Variants in SCAND3 observed in about 807,000 individuals in gnomAD.
The protein encoded by SCAND3 is SCAN domain-containing protein 3.
chr6:28,611,948 C>A, the SCAND3 span, among the ~76,000 whole-genome samples: 1 of 152,142 alleles, frequency 6.6e-6, no homozygotes, highest in African/African-American at 2.4e-5. Context: ...CTAAATTAAC[C>A]CTATGGACAG....
chr6:28,607,624 C>T, the SCAND3 span, among the ~76,000 whole-genome samples: 977 of 151,776 alleles, frequency 6.4e-3, 8 homozygotes, highest in Middle Eastern at 0.014. Context: ...TTCTTCTGAG[C>T]TTCCAACCAC....
chr6:28,610,336 A>G, the SCAND3 span, among the ~76,000 whole-genome samples: 2 of 152,166 alleles, frequency 1.3e-5, no homozygotes, highest in Non-Finnish European at 2.9e-5. Context: ...AGCCTGGCCA[A>G]CATGATGAAA....
At chr6:28,596,543 T>C in the SCAND3 span, among the ~76,000 whole-genome samples, 1 of 152,112 alleles carries the variant, frequency 6.6e-6, no homozygotes, top group East Asian at 1.9e-4. Flanking sequence ...TGCAAGATTT[T>C]ATATAGCTTT....
the SCAND3 span, chr6:28,586,332 T>A: frequency 6.2e-7 from 1 of 1,612,322 alleles, no homozygotes; most frequent in Non-Finnish European, 8.5e-7. The surrounding 1 kb of genome is among the most constrained non-coding windows in gnomAD (Gnocchi z 4.4). Context: ...CCTCTCCAAA[T>A]CTTCCAGCAA....
At chr6:28,605,950 A>G in the SCAND3 span, among the ~76,000 whole-genome samples, 1 of 152,212 alleles carries the variant, frequency 6.6e-6, no homozygotes, top group Non-Finnish European at 1.5e-5. Context: ...AAAGAAGACT[A>G]AAAAAGACAG....
the SCAND3 span, chr6:28,571,700 G>A: frequency 2.2e-6 from 1 of 445,600 alleles, no homozygotes; most frequent in South Asian, 7.4e-5. Context: ...ACAAATATGA[G>A]GAAAAATAGA....
At chr6:28,577,615 C>T in the SCAND3 span, among the ~76,000 whole-genome samples, 3 of 152,260 alleles carry the variant, frequency 2.0e-5, no homozygotes, top group Non-Finnish European at 4.4e-5. Context: ...ACATATATCC[C>T]TAAGTTGTTT....
the SCAND3 span, among the ~76,000 whole-genome samples, chr6:28,601,749 C>T: frequency 1.3e-5 from 2 of 152,158 alleles, no homozygotes; most frequent in Non-Finnish European, 2.9e-5. Flanking sequence ...TGGTCTTGAA[C>T]TCCTGAACTT....
At chr6:28,576,203 A>T in the SCAND3 span, 2 of 1,278,526 alleles carry the variant, frequency 1.6e-6, no homozygotes, top group Admixed American at 5.1e-5. Context: ...TATATTGCCA[A>T]AGGAGCCAGT....
the SCAND3 span, among the ~76,000 whole-genome samples, chr6:28,588,633 C>T: frequency 2.0e-5 from 3 of 152,102 alleles, no homozygotes; most frequent in Non-Finnish European, 4.4e-5. This position sits in a 1 kb window ranked among gnomAD's most constrained non-coding sequence, Gnocchi z 4.1. Context: ...TTATTATGTA[C>T]AAATATAACT....
At chr6:28,582,283 C>A in the SCAND3 span, among the ~76,000 whole-genome samples, 1 of 152,038 alleles carries the variant, frequency 6.6e-6, no homozygotes, top group African/African-American at 2.4e-5. This position sits in a 1 kb window ranked among gnomAD's most constrained non-coding sequence, Gnocchi z 4.8. Context: ...CATCAGCAAT[C>A]GTTAGTGTTA....
the SCAND3 span, among the ~76,000 whole-genome samples, chr6:28,608,064 C>T: frequency 6.6e-6 from 1 of 152,142 alleles, no homozygotes; most frequent in Non-Finnish European, 1.5e-5. Flanking sequence ...TATCTGTAAA[C>T]ACTGCGTTCA....
At chr6:28,595,030 C>T in the SCAND3 span, among the ~76,000 whole-genome samples, 1 of 151,332 alleles carries the variant, frequency 6.6e-6, no homozygotes, top group Non-Finnish European at 1.5e-5. Context: ...AAAAAGAAAA[C>T]CTGTCCAAGT....
chr6:28,603,783 C>T, the SCAND3 span, among the ~76,000 whole-genome samples: 3 of 152,092 alleles, frequency 2.0e-5, no homozygotes, highest in East Asian at 5.8e-4. Flanking sequence ...CTTAAAACAA[C>T]ATAGAACTCA....
chr6:28,573,261 T>A, the SCAND3 span: 1 of 1,614,022 alleles, frequency 6.2e-7, no homozygotes, highest in African/African-American at 1.3e-5. Flanking sequence ...CCTGAATACG[T>A]CGAGCTATGG....
chr6:28,606,619 G>A, the SCAND3 span, among the ~76,000 whole-genome samples: 9 of 152,122 alleles, frequency 5.9e-5, no homozygotes, highest in Middle Eastern at 3.2e-3. Context: ...GGGTGCCTAC[G>A]TGATGCCTCT....
At chr6:28,589,371 T>G in the SCAND3 span, 2 of 152,112 alleles carry the variant, frequency 1.3e-5, no homozygotes, top group African/African-American at 2.4e-5. Context: ...TACTGTACCC[T>G]TGTGGTTGGT....
the SCAND3 span, chr6:28,572,290 C>A: frequency 6.2e-7 from 1 of 1,606,640 alleles, no homozygotes; most frequent in South Asian, 1.1e-5. This position sits in a 1 kb window ranked among gnomAD's most constrained non-coding sequence, Gnocchi z 4.1. Context: ...ATTTCCTATG[C>A]GTGGATCTTC....
chr6:28,580,246 G>A, the SCAND3 span, among the ~76,000 whole-genome samples: 5 of 152,158 alleles, frequency 3.3e-5, no homozygotes, highest in Non-Finnish European at 5.9e-5. Context: ...CTGAGGTAAC[G>A]AGTTCGGGAC....
Sources: allele counts gnomAD v4.1 joint callset (sites outside exome capture counted in the v4.1 genomes callset), GRCh38; gene constraint gnomAD v4.1.1; non-coding constraint Gnocchi (gnomAD v3.1); transcripts MANE v1.5; gene names NCBI Gene and HGNC (gene_info 2026-07-23, HGNC 2026-07-21).